The following BARX2 variants were observed in gnomAD, a reference collection of about 807,000 sequenced individuals.
BARX2 encodes homeobox protein BarH-like 2.
A neutral mutation model predicts 25.5 loss-of-function variants in BARX2; 11 were observed. The observed-to-expected ratio is 0.43, with a 90% CI of 0.27 to 0.71. The LOEUF (loss-of-function observed/expected upper bound fraction) is 0.71. Among genes scored for constraint, BARX2 ranks in the 30% least tolerant of loss-of-function variants. The pLI is 0.19. For synonymous variants in BARX2, 137 were observed against 149.5 expected, an observed-to-expected ratio of 0.92 and a Z score of 0.61; for missense variants, 360 against 359.9, an observed-to-expected ratio of 1.00 and a Z score of 0.00.
intron 1 of BARX2, among the ~76,000 whole-genome samples, chr11:129,381,403 TTTG>T (rs756382716): frequency 1.3e-5 from 2 of 152,132 alleles, no homozygotes; most frequent in African/African-American, 2.4e-5. Context: ...TGTTTGTTTG[TTTG>T]TTGTTGTTTT....
intron 1 of BARX2, among the ~76,000 whole-genome samples, chr11:129,427,870 C>T (rs1862084469): frequency 6.6e-6 from 1 of 152,206 alleles, no homozygotes; most frequent in Admixed American, 6.5e-5. Context: ...TCACTGACAG[C>T]TTTCAGAACC....
intron 1 of BARX2, among the ~76,000 whole-genome samples, chr11:129,425,972 A>G (rs762798934): frequency 1.4e-5 from 2 of 140,278 alleles, no homozygotes; most frequent in Non-Finnish European, 3.1e-5. Context: ...TTTCTAATTC[A>G]TTTACATTTA....
At chr11:129,412,763 C>G (rs1167844960) in intron 1 of BARX2, among the ~76,000 whole-genome samples, 2 of 152,192 alleles carry the variant, frequency 1.3e-5, no homozygotes, top group South Asian at 4.1e-4. Flanking sequence ...TGTCTCGGCC[C>G]TGTTGCAGCT....
chr11:129,392,511 A>G (rs1174134483), intron 1 of BARX2, among the ~76,000 whole-genome samples: 1 of 152,234 alleles, frequency 6.6e-6, no homozygotes, highest in Non-Finnish European at 1.5e-5. Context: ...TGTTGAAAAA[A>G]CAATAATAAT....
At chr11:129,414,065 CAA>C (rs879620964) in intron 1 of BARX2, among the ~76,000 whole-genome samples, 1 of 133,106 alleles carries the variant, frequency 7.5e-6, no homozygotes. Context: ...GACTCCATCT[CAA>C]AAAAAAAAAA....
intron 1 of BARX2, among the ~76,000 whole-genome samples, chr11:129,422,363 A>G (rs998344511): frequency 2.7e-5 from 4 of 149,842 alleles, no homozygotes; most frequent in African/African-American, 1.0e-4. Flanking sequence ...CAATGGTGCA[A>G]TCGTAGCTCA....
intron 1 of BARX2, among the ~76,000 whole-genome samples, chr11:129,415,594 A>G (rs1187478250): frequency 2.6e-5 from 4 of 152,008 alleles, no homozygotes; most frequent in African/African-American, 7.2e-5. Flanking sequence ...CTTGCAAACC[A>G]TTTTCCATAT....
chr11:129,379,379 A>T (rs1402792579), intron 1 of BARX2, among the ~76,000 whole-genome samples: 2 of 152,182 alleles, frequency 1.3e-5, no homozygotes, highest in Non-Finnish European at 2.9e-5. Flanking sequence ...AGTAATCCCT[A>T]CTCAGAAGGC....
chr11:129,379,369 A>G (rs1040521501), intron 1 of BARX2, among the ~76,000 whole-genome samples: 1 of 152,256 alleles, frequency 6.6e-6, no homozygotes, highest in Non-Finnish European at 1.5e-5. Context: ...ATCTGTAAAC[A>G]GTAATCCCTA....
At chr11:129,447,463 G>GA (rs1278047338) in intron 3 of BARX2, among the ~76,000 whole-genome samples, 1 of 152,176 alleles carries the variant, frequency 6.6e-6, no homozygotes, top group Non-Finnish European at 1.5e-5. Flanking sequence ...AATAAATGGG[G>GA]AGAGGGCTCC....
chr11:129,437,421 G>A, intron 2 of BARX2: 2 of 1,007,892 alleles, frequency 2.0e-6, no homozygotes, highest in Non-Finnish European at 2.4e-6. Context: ...ACTAGATTTG[G>A]AATTGGGATT....
At chr11:129,419,704 T>A (rs114146335) in intron 1 of BARX2, among the ~76,000 whole-genome samples, 351 of 152,176 alleles carry the variant, frequency 2.3e-3, no homozygotes, top group African/African-American at 8.2e-3. Flanking sequence ...TTAGGTCTTG[T>A]GGAGCCTCTC....
At chr11:129,435,796 A>C (rs1051516130) in intron 1 of BARX2, among the ~76,000 whole-genome samples, 1 of 152,212 alleles carries the variant, frequency 6.6e-6, no homozygotes, top group Non-Finnish European at 1.5e-5. Flanking sequence ...CAAAGGGAAA[A>C]GCTCTTTACT....
At chr11:129,418,866 T>C (rs1861972798) in intron 1 of BARX2, among the ~76,000 whole-genome samples, 1 of 152,254 alleles carries the variant, frequency 6.6e-6, no homozygotes, top group African/African-American at 2.4e-5. Context: ...TGGTAAGTTG[T>C]ACAGAAAGTC....
chr11:129,443,815 G>A (rs1302668054), intron 3 of BARX2, among the ~76,000 whole-genome samples: 1 of 152,070 alleles, frequency 6.6e-6, no homozygotes, highest in Admixed American at 6.6e-5. Flanking sequence ...GTAAACCACT[G>A]AGACAAGGTC....
At chr11:129,388,329 A>T (rs918855802) in intron 1 of BARX2, among the ~76,000 whole-genome samples, 10 of 151,834 alleles carry the variant, frequency 6.6e-5, no homozygotes, top group African/African-American at 2.4e-4. Context: ...TGATTGGGAG[A>T]TTGCAGACCT....
chr11:129,415,358 C>T (rs1050493230), intron 1 of BARX2, among the ~76,000 whole-genome samples: 7 of 152,154 alleles, frequency 4.6e-5, no homozygotes, highest in East Asian at 1.9e-4. Flanking sequence ...CAGAAGCCAT[C>T]GGGAAAAGCC....
intron 1 of BARX2, among the ~76,000 whole-genome samples, chr11:129,398,367 C>T (rs1268024115): frequency 6.6e-6 from 1 of 152,164 alleles, no homozygotes; most frequent in Admixed American, 6.6e-5. Flanking sequence ...TAATGCGCCC[C>T]TGGAGTAGCA....
intron 2 of BARX2, among the ~76,000 whole-genome samples, chr11:129,439,532 G>A (rs1218403450): frequency 2.0e-5 from 3 of 152,182 alleles, no homozygotes; most frequent in Non-Finnish European, 4.4e-5. Flanking sequence ...AATCAACATT[G>A]CGGAAGGAAG....
Sources: allele counts gnomAD v4.1 joint callset (sites outside exome capture counted in the v4.1 genomes callset), GRCh38; gene constraint gnomAD v4.1.1; transcripts MANE v1.5; gene names NCBI Gene and HGNC (gene_info 2026-07-23, HGNC 2026-07-21).